The following KCTD16 variants were observed in gnomAD, a reference collection of about 807,000 sequenced individuals.
KCTD16 encodes BTB/POZ domain-containing protein KCTD16.
A neutral mutation model predicts 33.2 loss-of-function variants in KCTD16; 13 were observed. The ratio of observed to expected loss-of-function variants is 0.39; its 90% confidence interval spans 0.25 to 0.62. The LOEUF is 0.62. Among genes scored for constraint, KCTD16 ranks in the 20% least tolerant of loss-of-function variants. The probability of loss-of-function intolerance (pLI) is 0.50; values close to 1 mark genes in which losing one functional copy is unlikely to be tolerated. For missense variants in KCTD16, 441 were observed against 525.1 expected, an observed-to-expected ratio of 0.84 and a Z score of 1.57; for synonymous variants, 197 against 195.3, an observed-to-expected ratio of 1.01 and a Z score of -0.07.
intron 3 of KCTD16, among the ~76,000 whole-genome samples, chr5:144,250,946 A>G (rs980855938): frequency 2.0e-5 from 3 of 152,166 alleles, no homozygotes; most frequent in Non-Finnish European, 4.4e-5. Context: ...ATTATTATAT[A>G]TATGTATATA....
At chr5:144,367,467 A>G (rs982146595) in intron 3 of KCTD16, among the ~76,000 whole-genome samples, 12 of 152,232 alleles carry the variant, frequency 7.9e-5, no homozygotes, top group Admixed American at 7.9e-4. Flanking sequence ...ATATTTTATT[A>G]AGGGAATTTC....
chr5:144,420,536 A>G (rs1753186644), intron 3 of KCTD16, among the ~76,000 whole-genome samples: 1 of 151,208 alleles, frequency 6.6e-6, no homozygotes, highest in African/African-American at 2.5e-5. Flanking sequence ...GTGTGTGTGC[A>G]CACTCATGGA....
chr5:144,398,726 T>TCTCTCTCTCTCTCC (rs892120908), intron 3 of KCTD16, among the ~76,000 whole-genome samples: 2 of 152,062 alleles, frequency 1.3e-5, no homozygotes, highest in Admixed American at 6.6e-5. Context: ...TCTCTCTCTC[T>TCTCTCTCTCTCTCC]CTCTCTTATA....
At chr5:144,378,694 A>G (rs1423264481) in intron 3 of KCTD16, among the ~76,000 whole-genome samples, 1 of 152,216 alleles carries the variant, frequency 6.6e-6, no homozygotes, top group Non-Finnish European at 1.5e-5. Flanking sequence ...CACATGTGTC[A>G]TCAATGGCAG....
rs1752571924 is a variant in KCTD16, at chr5:144,339,416, T to A, written c.832+131870T>A. On this transcript the variant is annotated intron_variant, in intron 3 of 3. Coordinates refer to ENST00000512467, the MANE Select transcript of KCTD16 (RefSeq NM_020768.4). ...CTCCTTTTTTCCCCATGTCCTCAAATGCATTGCATTTTCTTTCTTTCTCTC... is the reference window on the plus strand; with the variant it reads ...CTCCTTTTTTCCCCATGTCCTCAAAAGCATTGCATTTTCTTTCTTTCTCTC... 2.6e-5 allele frequency among the ~76,000 whole-genome samples: 4 copies of A among 152,182 alleles called. No homozygotes were observed. The South Asian group carries it at 8.3e-4, about 32-fold the overall frequency.
chr5:144,337,042 T>G (rs1010079368), intron 3 of KCTD16, among the ~76,000 whole-genome samples: 1 of 151,646 alleles, frequency 6.6e-6, no homozygotes, highest in African/African-American at 2.4e-5. Context: ...TCATAAATAT[T>G]TTCCCAAGTT....
At chr5:144,288,450 C>T (rs772604785) in intron 3 of KCTD16, among the ~76,000 whole-genome samples, 2 of 152,064 alleles carry the variant, frequency 1.3e-5, no homozygotes, top group East Asian at 1.9e-4. Context: ...TAGGATGGCT[C>T]CTGCTTGCAG....
Position 144,412,656 on chromosome 5 carries a change from T to C in KCTD16, c.833-61004T>C, listed in dbSNP as rs376935487. The stretch of plus-strand genomic sequence containing the variant: ...ATCCCAGCACTTTGGGAGGCTGAGG[T>C]GGGCAGATCACTTGAGGTCAGGAGT... On this transcript the variant is annotated intron_variant, in intron 3 of 3. Transcript: ENST00000512467. Among the ~76,000 whole-genome samples the C allele has an allele frequency of 2.4e-4, 36 of 152,122 alleles. No homozygotes were observed. The East Asian group carries it at 4.6e-3, about 20-fold the overall frequency.
chr5:144,344,547 C>A lies in KCTD16; in HGVS notation c.833-129113C>A, dbSNP rs1251998773. ...ACCCCATCAAAAAGTGGGCAAAGGA[C>A]ATGAACAGACACTTCTCAAAAGAAG... is the stretch of plus-strand genomic sequence containing the variant. On this transcript the variant is annotated intron_variant, in intron 3 of 3. Transcript: ENST00000512467. Among the ~76,000 whole-genome samples the A allele has an allele frequency of 3.3e-5, 5 of 151,490 alleles. No individual in the cohort carries two copies. The East Asian group carries it at 9.7e-4, about 29-fold the overall frequency.
intron 3 of KCTD16, among the ~76,000 whole-genome samples, chr5:144,301,343 G>C (rs1466385002): frequency 6.6e-6 from 1 of 152,030 alleles, no homozygotes; most frequent in East Asian, 1.9e-4. Context: ...GCAGAGAAAT[G>C]GATTAGAAGC....
chr5:144,219,393 T>C (rs1753664460), intron 3 of KCTD16, among the ~76,000 whole-genome samples: 1 of 151,998 alleles, frequency 6.6e-6, no homozygotes, highest in Non-Finnish European at 1.5e-5. Flanking sequence ...TTTGTATTTT[T>C]AGTAGAGACA....
intron 2 of KCTD16, among the ~76,000 whole-genome samples, chr5:144,184,969 C>G (rs921996662): frequency 6.6e-6 from 1 of 152,166 alleles, no homozygotes; most frequent in African/African-American, 2.4e-5. Flanking sequence ...TATTTCAGAT[C>G]TCAGTAATAA....
chr5:144,407,243 G>T, intron 3 of KCTD16, among the ~76,000 whole-genome samples: 1 of 147,494 alleles, frequency 6.8e-6, no homozygotes, highest in Non-Finnish European at 1.5e-5. Context: ...CTAAATTTTA[G>T]GTTGAAAATG....
intron 3 of KCTD16, among the ~76,000 whole-genome samples, chr5:144,222,764 C>T (rs1458713934): frequency 6.6e-6 from 1 of 152,178 alleles, no homozygotes; most frequent in African/African-American, 2.4e-5. Flanking sequence ...ACTAGAAATA[C>T]CATTTGACCC....
At chr5:144,344,034 G>A (rs575144189) in intron 3 of KCTD16, among the ~76,000 whole-genome samples, 140 of 152,228 alleles carry the variant, frequency 9.2e-4, no homozygotes, top group African/African-American at 3.3e-3. Context: ...GAACAGAACA[G>A]AGCCCTCAGA....
At chr5:144,457,339 C>T (rs747611413) in intron 3 of KCTD16, among the ~76,000 whole-genome samples, 1 of 152,102 alleles carries the variant, frequency 6.6e-6, no homozygotes, top group Non-Finnish European at 1.5e-5. Flanking sequence ...ATGTGCCCCA[C>T]GTGAATGGGA....
chr5:144,243,944 C>T (rs1433553313), intron 3 of KCTD16, among the ~76,000 whole-genome samples: 2 of 152,032 alleles, frequency 1.3e-5, no homozygotes, highest in Non-Finnish European at 2.9e-5. Flanking sequence ...GGGGTTTCAC[C>T]ATGTTGGCCA....
Position 144,473,192 on chromosome 5 carries a change from T to C in KCTD16, c.833-468T>C, listed in dbSNP as rs1261326038. Among the ~76,000 whole-genome samples, 3 of 152,338 alleles carry C rather than the reference T, an allele frequency of 2.0e-5. No individual in the cohort carries two copies. The East Asian group carries it at 5.8e-4, about 29-fold the overall frequency. On this transcript the variant is annotated intron_variant, in intron 3 of 3. Coordinates refer to ENST00000512467, the MANE Select transcript of KCTD16 (RefSeq NM_020768.4). ...ACCTGACTGTTGTCACTTGGAGCTT[T>C]CCATCAGCTATGGAAAATTGGCCAG...
At chr5:144,254,135 T>A (rs552082389) in intron 3 of KCTD16, among the ~76,000 whole-genome samples, 42 of 150,370 alleles carry the variant, frequency 2.8e-4, no homozygotes, top group African/African-American at 5.3e-4. Flanking sequence ...TTTTTTTTTT[T>A]AATTTATTTT....
Sources: allele counts gnomAD v4.1 joint callset (sites outside exome capture counted in the v4.1 genomes callset), GRCh38; gene constraint gnomAD v4.1.1; transcripts MANE v1.5; gene names NCBI Gene and HGNC (gene_info 2026-07-23, HGNC 2026-07-21).